The following ERG variants were observed in gnomAD, a reference collection of about 807,000 sequenced individuals.
ERG encodes ETS transcription factor ERG.
Under a neutral mutation model 55.3 loss-of-function variants are expected in ERG, and 9 were observed. The ratio of observed to expected loss-of-function variants is 0.16; its 90% confidence interval spans 0.10 to 0.28. The LOEUF is 0.28. Ranked by LOEUF, ERG falls within the 10% of genes least tolerant of loss-of-function variation. The pLI, the probability that ERG is intolerant of heterozygous loss-of-function variation, is 1.00. For missense variants in ERG, 434 were observed against 631.6 expected (o/e 0.69, Z 3.35); for synonymous variants, 223 against 237.3 (o/e 0.94, Z 0.55).
intron 2 of ERG, among the ~76,000 whole-genome samples, chr21:38,573,283 T>A (rs1034956362): frequency 1.3e-5 from 2 of 152,162 alleles, no homozygotes; most frequent in African/African-American, 2.4e-5. Context: ...GACCTGACTG[T>A]CCCCCAGCCC....
chr21:38,456,202 T>C (rs1484082938), intron 1 of ERG, among the ~76,000 whole-genome samples: 1 of 152,084 alleles, frequency 6.6e-6, no homozygotes, highest in Admixed American at 6.5e-5. Context: ...ATGTATGGAG[T>C]TGCTAAAAAG....
intron 2 of ERG, among the ~76,000 whole-genome samples, chr21:38,543,538 A>T (rs1258328213): frequency 6.6e-6 from 1 of 152,112 alleles, no homozygotes; most frequent in East Asian, 1.9e-4. Flanking sequence ...TCATTCAGTG[A>T]ACATCATTGA....
At chr21:38,519,495 GA>G (rs1012964959) in intron 2 of ERG, among the ~76,000 whole-genome samples, 2 of 152,214 alleles carry the variant, frequency 1.3e-5, no homozygotes, top group African/African-American at 4.8e-5. Flanking sequence ...GAAAGCTGGA[GA>G]AAAAAACTCC....
chr21:38,402,712 C>CAAAAAAAAAAAAAAAAAAAAA (rs759434219), intron 4 of ERG, 75 bp from the exon 5 acceptor site: 2 of 156,282 alleles, frequency 1.3e-5, no homozygotes, highest in African/African-American at 3.6e-5. Flanking sequence ...ACCTTTCTTA[C>CAAAAAAAAAAAAAAAAAAAAA]AAAAAAAAAA....
intron 2 of ERG, among the ~76,000 whole-genome samples, chr21:38,438,707 G>A (rs564462681): frequency 6.6e-6 from 1 of 152,336 alleles, no homozygotes; most frequent in African/African-American, 2.4e-5. Flanking sequence ...TCTCAACTCA[G>A]GCAAGGACTT....
chr21:38,570,536 T>C lies in ERG; in HGVS notation c.-41+5126A>G, dbSNP rs79315919. On this transcript the variant is annotated intron_variant, in intron 2 of 8. Transcript: ENST00000398897. ...AGATGGGTACGCCACCCTCATTTTA[T>C]AGATCACAGTGATAGCTCACAATTG... Among the ~76,000 whole-genome samples the C allele has an allele frequency of 5.4e-4, 82 of 152,348 alleles. 2 individuals are homozygous for C. The East Asian group carries it at 0.014, about 26-fold the overall frequency.
chr21:38,502,700 A>G (rs2146702052), upstream of ERG: 1 of 145,146 alleles, frequency 6.9e-6, no homozygotes, highest in Non-Finnish European at 1.5e-5. Flanking sequence ...TAGGTCATGT[A>G]TGTTTTCATA....
intron 6 of ERG, among the ~76,000 whole-genome samples, chr21:38,398,101 C>G (rs1988316262): frequency 6.6e-6 from 1 of 152,170 alleles, no homozygotes; most frequent in Non-Finnish European, 1.5e-5. Flanking sequence ...TGAAAGTAGT[C>G]AGGTACCCAC....
chr21:38,640,341 C>T (rs544288598), intron 1 of ERG, among the ~76,000 whole-genome samples: 1 of 152,206 alleles, frequency 6.6e-6, no homozygotes, highest in South Asian at 2.1e-4. Context: ...GATGGAGAAA[C>T]AGGAGATGGG....
chr21:38,369,039 C>T, the ERG span, among the ~76,000 whole-genome samples: 1 of 152,212 alleles, frequency 6.6e-6, no homozygotes, highest in African/African-American at 2.4e-5. Context: ...AGGCTGATTT[C>T]ATGCCTTTGC....
rs370628181 is a variant in ERG at position 38,639,294 on chromosome 21, G to C, written c.-150+22364C>G. Among the ~76,000 whole-genome samples the C allele has an allele frequency of 1.8e-4, 27 of 152,012 alleles. No homozygotes were observed. The South Asian group carries it at 5.6e-3, about 32-fold the overall frequency. On this transcript the variant is annotated intron_variant, in intron 1 of 10. Transcript: ENST00000398910. ...CCAGACACTTGTGAAAAACTTCCAA[G>C]CATTAGAAATGATGACCAAAATCTA...
chr21:38,402,552 AT>A lies in ERG; in HGVS notation c.673+4del. 6.2e-7 allele frequency: 1 copy of A among 1,610,116 alleles called. No homozygotes were observed. The highest frequency in any genetic ancestry group is 2.2e-5 in the East Asian group (1 of 44,740). Reference sequence around the variant, plus strand: ...GCTGGGAGGCAGGGGCGGGGCCAGCATTACCTGTGTTTCTAGCATGCATTAA... The same window carrying A: ...GCTGGGAGGCAGGGGCGGGGCCAGCATACCTGTGTTTCTAGCATGCATTAA... On this transcript the variant is annotated splice_donor_region_variant and intron_variant, in intron 5 of 9. Coordinates refer to ENST00000288319, the MANE Select transcript of ERG (RefSeq NM_182918.4).
At chr21:38,579,138 T>C (rs887382530) in intron 1 of ERG, among the ~76,000 whole-genome samples, 1 of 152,174 alleles carries the variant, frequency 6.6e-6, no homozygotes, top group African/African-American at 2.4e-5. Context: ...CTTCACATGA[T>C]GCCCTGCCAG....
intron 1 of ERG, among the ~76,000 whole-genome samples, chr21:38,599,852 C>T (rs2060154105): frequency 6.6e-6 from 1 of 152,216 alleles, no homozygotes; most frequent in African/African-American, 2.4e-5. Context: ...GTTGCACCTA[C>T]ATCATAACCT....
chr21:38,552,169 T>C (rs1276516315), intron 2 of ERG, among the ~76,000 whole-genome samples: 1 of 151,916 alleles, frequency 6.6e-6, no homozygotes, highest in Non-Finnish European at 1.5e-5. Context: ...AATAACGAAT[T>C]ACAAAATTAA....
At position 38,402,542 on chromosome 21, in the gene ERG, C is replaced by T. The variant is rs368094684; in HGVS notation, c.673+15G>A. On this transcript the variant is annotated intron_variant, in intron 5 of 9. Coordinates refer to ENST00000288319, the MANE Select transcript of ERG (RefSeq NM_182918.4). Reference sequence around the variant, plus strand: ...CTACGCTCTTGCTGGGAGGCAGGGGCGGGGCCAGCATTACCTGTGTTTCTA... The same window carrying T: ...CTACGCTCTTGCTGGGAGGCAGGGGTGGGGCCAGCATTACCTGTGTTTCTA... 59 of 1,603,032 alleles carry T rather than the reference C, an allele frequency of 3.7e-5. No individual in the cohort carries two copies. The highest frequency in any genetic ancestry group is 4.2e-5 in the Non-Finnish European group (49 of 1,172,910).
chr21:38,546,278 C>T (rs1260360786), intron 2 of ERG, among the ~76,000 whole-genome samples: 2 of 152,174 alleles, frequency 1.3e-5, no homozygotes, highest in Non-Finnish European at 2.9e-5. Flanking sequence ...TCTACTCACA[C>T]AGAAGTGCTC....
chr21:38,600,176 C>T (rs1053068658), intron 1 of ERG, among the ~76,000 whole-genome samples: 1 of 152,270 alleles, frequency 6.6e-6, no homozygotes, highest in South Asian at 2.1e-4. Context: ...ACCCGCAATC[C>T]CCACCCAACC....
At chr21:38,402,516 C>A in intron 5 of ERG, 41 bp downstream of exon 5, 3 of 1,496,714 alleles carry the variant, frequency 2.0e-6, no homozygotes, top group Non-Finnish European at 2.8e-6. Flanking sequence ...TACGTAAGAC[C>A]CTACGCTCTT....
Sources: gnomAD v4.1 joint callset for allele counts (sites outside exome capture counted in the v4.1 genomes callset) on GRCh38, gnomAD v4.1.1 for gene constraint, MANE v1.5 for transcripts, NCBI Gene and HGNC (gene_info 2026-07-23, HGNC 2026-07-21) for gene names.